The following PGK1 variants were observed in gnomAD, a reference collection of about 807,000 sequenced individuals.
PGK1 encodes the protein phosphoglycerate kinase 1, also known as PRP 2.
PGK1 carries 3 observed loss-of-function variants against 26.9 expected under a neutral mutation model. The observed-to-expected ratio is 0.11, with a 90% CI of 0.05 to 0.29. The LOEUF (loss-of-function observed/expected upper bound fraction) is 0.29. Ranked by LOEUF, PGK1 falls within the 10% of genes least tolerant of loss-of-function variation. The pLI is 1.00. For missense variants in PGK1, 270 were observed against 314.7 expected, an observed-to-expected ratio of 0.86 and a Z score of 1.07; for synonymous variants, 125 against 115.3, an observed-to-expected ratio of 1.08 and a Z score of -0.54.
At chrX:78,114,370 A>C (rs2078316516) in intron 4 of PGK1, among the ~76,000 whole-genome samples, 1 of 112,180 alleles carries the variant, frequency 8.9e-6, no homozygotes, top group South Asian at 3.7e-4. Context: ...AGCATCCCAG[A>C]AGCCCTCCTT....
intron 4 of PGK1, 138 bp downstream of exon 4, chrX:78,114,298 G>GGTTAT (rs1376754954): frequency 2.4e-5 from 15 of 637,658 alleles, no homozygotes; most frequent in Non-Finnish European, 3.6e-5. Context: ...CAGCTTGATG[G>GGTTAT]GTTATCTCAA....
chrX:78,125,865 C>G lies in PGK1; in HGVS notation c.*35C>G. On this transcript the variant is annotated 3_prime_UTR_variant, in exon 11 of 11. Transcript: ENST00000373316. ...GCCTTTTAGTTCCTGTGCACAGCCC[C>G]TAAGTCAACTTAGCATTTTCTGCAT... is the stretch of plus-strand genomic sequence containing the variant. The G allele has an allele frequency of 9.2e-7, 1 of 1,091,507 alleles. No individual in the cohort carries two copies. Among genetic ancestry groups the G allele is most frequent in the Non-Finnish European group, 1.3e-6 (1 of 785,904 alleles). The allele number at this position is 1,091,507 out of a possible 1,213,427, so 90.0% of individuals were successfully genotyped here.
Position 78,126,906 on chromosome X carries a change from TAGAAGCATA to T in PGK1, c.*1079_*1087del, listed in dbSNP as rs2078386198. ...ATCAGTGATTCATTCCCAAATCTTC[TAGAAGCATA>T]AGTGTCTCAATATATTAAAACATAT... On this transcript the variant is annotated 3_prime_UTR_variant, in exon 11 of 11. Transcript: ENST00000373316. 1 of 112,810 alleles carries T rather than the reference TAGAAGCATA, an allele frequency of 8.9e-6. No homozygotes were observed. The highest frequency in any genetic ancestry group is 3.2e-5 in the African/African-American group (1 of 31,093). 9.3% of individuals were successfully genotyped at this position (112,810 alleles called of 1,213,427 possible).
intron 2 of PGK1, among the ~76,000 whole-genome samples, chrX:78,110,736 C>T (rs892729833): frequency 4.5e-5 from 5 of 110,361 alleles, no homozygotes; most frequent in African/African-American, 1.3e-4. Flanking sequence ...TTACAAGCCC[C>T]CATTCAAATG....
At position 78,114,041 on chromosome X, in the gene PGK1, G is replaced by T. The variant is rs1390691165; in HGVS notation, c.298G>T (p.Val100Leu). ...GKDVLFLKDC[V>L]GPEVEKACAN... is the part of the protein sequence containing the mutation. ...GGATGTTCTGTTCTTGAAGGACTGT[G>T]TAGGCCCAGAAGTGGAGAAAGCCTG... is the stretch of plus-strand genomic sequence containing the variant. The change falls in exon 4 of 11, where the codon GTA becomes TTA. Residue 100 changes from valine to leucine, a missense_variant. Transcript: ENST00000373316. 2.5e-6 allele frequency: 3 copies of T among 1,210,899 alleles called. No homozygotes were observed. Among genetic ancestry groups the T allele is most frequent in the African/African-American group, 3.5e-5 (2 of 57,719 alleles).
rs187610571 is a variant in PGK1, at chrX:78,127,800, G to T, written c.*1970G>T. On this transcript the variant is annotated 3_prime_UTR_variant, in exon 11 of 11. Transcript: ENST00000373316. ...TTTAGTTAATACTGTACCCATATTT[G>T]TAGTTAATTTTAAATTGTACCATGT... 8.9e-6 allele frequency: 1 copy of T among 112,459 alleles called. No homozygotes were observed. The highest frequency in any genetic ancestry group is 9.4e-5 in the Admixed American group (1 of 10,626). 9.3% of individuals were successfully genotyped at this position (112,459 alleles called of 1,213,427 possible). A position where few individuals can be genotyped will look rare whatever the true frequency, so the allele number is the denominator to read the frequency against.
At chrX:78,105,421 T>C (rs887751071) in intron 1 of PGK1, among the ~76,000 whole-genome samples, 1 of 112,093 alleles carries the variant, frequency 8.9e-6, no homozygotes, top group Non-Finnish European at 1.9e-5. Context: ...TAAAGGTTTC[T>C]GTTGATAGCA....
At chrX:78,117,197 G>T in intron 4 of PGK1, 115 bp from the exon 5 acceptor site, 1 of 542,699 alleles carries the variant, frequency 1.8e-6, no homozygotes, top group Non-Finnish European at 3.3e-6. Flanking sequence ...GTAAAAAATC[G>T]CTGTCCCACC....
chrX:78,118,222 G>A (rs1262342615), intron 6 of PGK1, 52 bp downstream of exon 6: 1 of 1,169,724 alleles, frequency 8.5e-7, no homozygotes, highest in Non-Finnish European at 1.2e-6. Flanking sequence ...CCTGGTAGTA[G>A]GCCATAACTT....
chrX:78,120,177 A>T (rs1220557779), intron 6 of PGK1, among the ~76,000 whole-genome samples: 2 of 111,794 alleles, frequency 1.8e-5, no homozygotes, highest in Non-Finnish European at 3.8e-5. Context: ...ATATTTTATT[A>T]AACAAACTTT....
At chrX:78,122,327 G>C (rs1391109025) in intron 6 of PGK1, among the ~76,000 whole-genome samples, 1 of 110,342 alleles carries the variant, frequency 9.1e-6, no homozygotes, top group Non-Finnish European at 1.9e-5. Flanking sequence ...CTGCTCTAAG[G>C]TTAGGATAAT....
chrX:78,116,944 A>G (rs1023693349), intron 4 of PGK1, among the ~76,000 whole-genome samples: 4 of 111,572 alleles, frequency 3.6e-5, no homozygotes, highest in African/African-American at 6.5e-5. Flanking sequence ...GTATGATACT[A>G]TCACAAGGAG....
chrX:78,117,445 G>A (rs1557247574), intron 5 of PGK1, 30 bp downstream of exon 5: 2 of 929,740 alleles, frequency 2.2e-6, no homozygotes, highest in Admixed American at 4.4e-5. Flanking sequence ...CTACCACACT[G>A]AGAACAGTAT....
intron 4 of PGK1, 39 bp from the exon 5 acceptor site, chrX:78,117,273 T>C: frequency 1.1e-6 from 1 of 909,581 alleles, no homozygotes; most frequent in Non-Finnish European, 1.6e-6. Context: ...TAGTTGTCTT[T>C]GGAGCCATCA....
At chrX:78,110,051 C>T (rs2149130404) in intron 2 of PGK1, 134 bp downstream of exon 2, 2 of 508,463 alleles carry the variant, frequency 3.9e-6, no homozygotes, top group East Asian at 3.4e-5. Context: ...TATCAACCCA[C>T]TCTCTGATCT....
chrX:78,109,907 A>G lies in PGK1; in HGVS notation c.106A>G (p.Asn36Asp), dbSNP rs1231465600. The change falls in exon 2 of 11, where the codon AAC becomes GAC. Residue 36 changes from asparagine to aspartate, a missense_variant. Transcript: ENST00000373316. The part of the protein sequence containing the change: ...NVPMKNNQIT[N>D]NQRIKAAVPS... ...TCCTATGAAGAACAACCAGATAACA[A>G]ACAACCAGAGGTAAGGTCCCTGCTA... The G allele has an allele frequency of 8.5e-7, 1 of 1,183,152 alleles. No individual in the cohort carries two copies. Among genetic ancestry groups the G allele is most frequent in the Non-Finnish European group, 1.1e-6 (1 of 870,960 alleles).
At chrX:78,114,225 A>C in intron 4 of PGK1, 65 bp downstream of exon 4, 1 of 1,055,028 alleles carries the variant, frequency 9.5e-7, no homozygotes, top group Non-Finnish European at 1.3e-6. Context: ...CTGTGGTTGA[A>C]GAATAGAGAA....
At chrX:78,119,611 G>A (rs1198498211) in intron 6 of PGK1, among the ~76,000 whole-genome samples, 2 of 111,628 alleles carry the variant, frequency 1.8e-5, no homozygotes, top group East Asian at 2.8e-4. Context: ...TTATCCCCAC[G>A]TGTTGTGGGA....
intron 2 of PGK1, among the ~76,000 whole-genome samples, chrX:78,111,134 G>C: frequency 9.2e-6 from 1 of 108,500 alleles, no homozygotes; most frequent in Non-Finnish European, 1.9e-5. Flanking sequence ...GCCCAGGCTG[G>C]AGTGCAGTGG....
Sources: gnomAD v4.1 joint callset for allele counts (sites outside exome capture counted in the v4.1 genomes callset) on GRCh38, gnomAD v4.1.1 for gene constraint, MANE v1.5 for transcripts, NCBI Gene and HGNC (gene_info 2026-07-23, HGNC 2026-07-21) for gene names.